Variants in ANKS1B observed in about 807,000 individuals in gnomAD.
ANKS1B encodes ankyrin repeat and sterile alpha motif domain containing 1B.
ANKS1B carries 36 observed loss-of-function variants against 148.3 expected under a neutral mutation model. That is an observed-to-expected ratio of 0.24 (90% CI 0.19 to 0.32). The LOEUF is 0.32. Among genes scored for constraint, ANKS1B ranks in the 10% least tolerant of loss-of-function variants. The pLI, the probability that ANKS1B is intolerant of heterozygous loss-of-function variation, is 1.00. For missense variants in ANKS1B, 1,157 were observed against 1,542.6 expected, an observed-to-expected ratio of 0.75 and a Z score of 4.19; for synonymous variants, 542 against 560.8, an observed-to-expected ratio of 0.97 and a Z score of 0.47.
chr12:99,007,411 T>C (rs1358569568), intron 17 of ANKS1B, among the ~76,000 whole-genome samples: 1 of 152,204 alleles, frequency 6.6e-6, no homozygotes, highest in African/African-American at 2.4e-5. Flanking sequence ...TCTTCTTCTA[T>C]AACCTGTTTA....
chr12:98,950,132 G>A (rs1315572747), intron 17 of ANKS1B, among the ~76,000 whole-genome samples: 1 of 152,228 alleles, frequency 6.6e-6, no homozygotes. Flanking sequence ...CCGTAGGTCA[G>A]GTTCAAGTAG....
At chr12:99,733,446 T>TA (rs1353261186) in intron 8 of ANKS1B, among the ~76,000 whole-genome samples, 23 of 152,300 alleles carry the variant, frequency 1.5e-4, no homozygotes, top group African/African-American at 5.5e-4. Context: ...GGAGGTTTGT[T>TA]ACAGCATTAT....
intron 17 of ANKS1B, among the ~76,000 whole-genome samples, chr12:98,859,804 C>T (rs1037428711): frequency 1.3e-5 from 2 of 152,186 alleles, no homozygotes; most frequent in East Asian, 3.8e-4. Flanking sequence ...GGAAAGCTCT[C>T]TAAATTTTTG....
At chr12:98,858,135 G>A (rs1016959908) in intron 17 of ANKS1B, among the ~76,000 whole-genome samples, 1 of 152,076 alleles carries the variant, frequency 6.6e-6, no homozygotes, top group Non-Finnish European at 1.5e-5. Flanking sequence ...CATCCCCAGG[G>A]TCTTCAGGTC....
intron 17 of ANKS1B, among the ~76,000 whole-genome samples, chr12:98,905,108 C>A (rs1330800023): frequency 1.3e-5 from 2 of 152,132 alleles, no homozygotes; most frequent in East Asian, 3.9e-4. Context: ...AATATTGTTT[C>A]TATTTTATAG....
chr12:98,889,202 C>T (rs926085074), intron 17 of ANKS1B, among the ~76,000 whole-genome samples: 1 of 152,110 alleles, frequency 6.6e-6, no homozygotes, highest in Non-Finnish European at 1.5e-5. Context: ...GCTAGAAAAT[C>T]AACATGATGA....
At chr12:99,832,601 G>A (rs1397209847) in intron 1 of ANKS1B, among the ~76,000 whole-genome samples, 1 of 151,938 alleles carries the variant, frequency 6.6e-6, no homozygotes, top group Non-Finnish European at 1.5e-5. Context: ...GTGCATGCCT[G>A]TAATCCCAGC....
intron 12 of ANKS1B, among the ~76,000 whole-genome samples, chr12:99,257,029 G>A (rs989970110): frequency 8.5e-5 from 13 of 152,152 alleles, no homozygotes; most frequent in African/African-American, 3.1e-4. Context: ...TGGATCACGA[G>A]GTCAGGAGAT....
Position 99,799,397 on chromosome 12 carries a change from T to A in ANKS1B, c.669+7007A>T, listed in dbSNP as rs185333602. Among the ~76,000 whole-genome samples, 79 of 152,206 alleles carry A rather than the reference T, an allele frequency of 5.2e-4. 1 individual carries two copies. The East Asian group carries it at 0.012, about 23-fold the overall frequency. On this transcript the variant is annotated intron_variant, in intron 4 of 26. Transcript: ENST00000683438. ...TAAGGAGCACATCCAAAGAGAGACC[T>A]CTCTGACCCTTCCGTCTCAATCACA... is the stretch of plus-strand genomic sequence containing the variant.
At chr12:99,094,477 T>C (rs1396423819) in intron 15 of ANKS1B, among the ~76,000 whole-genome samples, 1 of 152,098 alleles carries the variant, frequency 6.6e-6, no homozygotes, top group Non-Finnish European at 1.5e-5. Flanking sequence ...TCAATGGAGT[T>C]CTAAAATAAA....
intron 17 of ANKS1B, among the ~76,000 whole-genome samples, chr12:98,851,183 G>T (rs1291237784): frequency 6.6e-6 from 1 of 152,210 alleles, no homozygotes; most frequent in Admixed American, 6.5e-5. Flanking sequence ...GATGGCTGAT[G>T]TTAAGTTGGT....
intron 9 of ANKS1B, chr12:99,647,974 C>G: frequency 1.5e-6 from 1 of 673,140 alleles, no homozygotes; most frequent in Non-Finnish European, 2.4e-6. Context: ...ATCCAGGGGA[C>G]TGACTGTCTC....
rs534900381 is a variant in ANKS1B at position 98,810,476 on chromosome 12, C to T, written c.3067-2558G>A. ...ATCTTCTACCTAAGCCCTTTTCCTT[C>T]GAAGTACCCGTCTCTGGGGTCTTGG... On this transcript the variant is annotated intron_variant, in intron 19 of 26. Transcript: ENST00000683438. Among the ~76,000 whole-genome samples, 84 of 152,324 alleles carry T rather than the reference C, an allele frequency of 5.5e-4. No homozygotes were observed. In the South Asian group the frequency reaches 0.017, roughly 31 times the overall value.
intron 12 of ANKS1B, among the ~76,000 whole-genome samples, chr12:99,330,807 A>G (rs2087376462): frequency 6.6e-6 from 1 of 151,982 alleles, no homozygotes; most frequent in Non-Finnish European, 1.5e-5. Context: ...CTAATGTGCT[A>G]GCTTATAACT....
At chr12:99,644,264 T>C (rs1304469830) in intron 9 of ANKS1B, among the ~76,000 whole-genome samples, 2 of 152,228 alleles carry the variant, frequency 1.3e-5, no homozygotes, top group Non-Finnish European at 2.9e-5. Flanking sequence ...CCTATTTATT[T>C]CTGAGTCCTT....
At chr12:99,840,571 G>A (rs1458972276) in intron 1 of ANKS1B, among the ~76,000 whole-genome samples, 1 of 151,918 alleles carries the variant, frequency 6.6e-6, no homozygotes, top group African/African-American at 2.4e-5. Context: ...ATCATGTAGA[G>A]GGAAAAAATG....
rs11109629 is a variant in ANKS1B, at chr12:98,853,578, T to G, written c.2779-21442A>C. 5.7e-3 allele frequency among the ~76,000 whole-genome samples: 871 copies of G among 152,334 alleles called. 5 individuals are homozygous for G. Among genetic ancestry groups the G allele is most frequent in the African/African-American group, 0.018 (749 of 41,562 alleles). On this transcript the variant is annotated intron_variant, in intron 17 of 26. Coordinates refer to ENST00000683438, the MANE Select transcript of ANKS1B (RefSeq NM_001352186.2). The stretch of plus-strand genomic sequence containing the variant: ...CCCTTTGCTCTTTAAATGGCTGGCT[T>G]CTTCTTCCCACTCAGTTTTCAGCTT...
intron 14 of ANKS1B, among the ~76,000 whole-genome samples, chr12:99,204,800 C>G (rs1169099886): frequency 6.6e-6 from 1 of 152,132 alleles, no homozygotes; most frequent in Non-Finnish European, 1.5e-5. Context: ...TGAGGGTAGC[C>G]CGTGGAAGTC....
intron 1 of ANKS1B, among the ~76,000 whole-genome samples, chr12:99,942,334 G>A (rs895508392): frequency 1.3e-5 from 2 of 152,108 alleles, no homozygotes; most frequent in Admixed American, 1.3e-4. Context: ...ACTGGATTTG[G>A]GAATAAAAGA....
Sources: allele counts gnomAD v4.1 joint callset (sites outside exome capture counted in the v4.1 genomes callset), GRCh38; gene constraint gnomAD v4.1.1; transcripts MANE v1.5; gene names NCBI Gene and HGNC (gene_info 2026-07-23, HGNC 2026-07-21).